Variants in SRBD1 observed in about 807,000 individuals in gnomAD.
SRBD1 encodes S1 RNA-binding domain-containing protein 1.
In SRBD1, 88 loss-of-function variants were observed where a neutral mutation model predicts 115.3. The observed-to-expected ratio is 0.76, with a 90% confidence interval of 0.64 to 0.91. The LOEUF is 0.91. Among genes scored for constraint, SRBD1 ranks in the 40% least tolerant of loss-of-function variants. The probability of loss-of-function intolerance (pLI) is 0.00; values close to 1 mark genes in which losing one functional copy is unlikely to be tolerated. For synonymous variants in SRBD1, 509 were observed against 407.7 expected (o/e 1.25, Z -2.99); for missense variants, 1,385 against 1,177.4 (o/e 1.18, Z -2.58).
rs1673009868 is a variant in SRBD1, at chr2:45,571,516, C to CCAAAAAAAAAAAAAAAAAA, written c.1305+1672_1305+1690dup. ...TAAAATACAACATATCCAGACTTTACCAAAAAAAAAAAAAAAAAAAAAAAA... is the reference window on the plus strand; with the variant it reads ...TAAAATACAACATATCCAGACTTTACCAAAAAAAAAAAAAAAAAACAAAAAAAAAAAAAAAAAAAAAAAA... On this transcript the variant is annotated intron_variant, in intron 9 of 20. Coordinates refer to ENST00000263736, the MANE Select transcript of SRBD1 (RefSeq NM_018079.5). 4.7e-5 allele frequency among the ~76,000 whole-genome samples: 2 copies of CCAAAAAAAAAAAAAAAAAA among 42,468 alleles called. 1 individual carries two copies. Among genetic ancestry groups the CCAAAAAAAAAAAAAAAAAA allele is most frequent in the Non-Finnish European group, 8.1e-5 (2 of 24,736 alleles). 27.9% of individuals were successfully genotyped at this position (42,468 alleles called of 152,430 possible).
intron 16 of SRBD1, among the ~76,000 whole-genome samples, chr2:45,451,305 T>C (rs566294721): frequency 1.3e-5 from 2 of 152,116 alleles, no homozygotes; most frequent in Admixed American, 6.6e-5. Flanking sequence ...TAGATGATGG[T>C]ATCCCCTAAC....
chr2:45,418,449 T>G lies in SRBD1; in HGVS notation c.2249A>C (p.Lys750Thr). 6.2e-7 allele frequency: 1 copy of G among 1,614,064 alleles called. No individual in the cohort carries two copies. The highest frequency in any genetic ancestry group is 8.5e-7 in the Non-Finnish European group (1 of 1,179,982). Residue 750 changes from lysine to threonine, a missense_variant, in exon 18 of 21, where the codon AAA becomes ACA. Transcript: ENST00000263736. ...GPFINREQLK[K>T]VKGLGPKSFQ... ...GGATTTTGGGCCCAGCCCTTTCACT[T>G]TCTTCAGCTGTTCTCGGTTGATAAA...
At chr2:45,545,479 CCA>C (rs1178286644) in intron 14 of SRBD1, among the ~76,000 whole-genome samples, 3 of 151,878 alleles carry the variant, frequency 2.0e-5, no homozygotes, top group African/African-American at 7.3e-5. Context: ...GTACTTATAA[CCA>C]CTACAAATGT....
At chr2:45,391,491 G>GC (rs1333308751) in intron 20 of SRBD1, among the ~76,000 whole-genome samples, 1 of 152,150 alleles carries the variant, frequency 6.6e-6, no homozygotes, top group Non-Finnish European at 1.5e-5. Context: ...AATACTATCT[G>GC]CCCCCTCGAA....
chr2:45,424,408 T>C (rs112539651), intron 16 of SRBD1, among the ~76,000 whole-genome samples: 117 of 152,304 alleles, frequency 7.7e-4, no homozygotes, highest in African/African-American at 2.5e-3. Flanking sequence ...ATTTTTAATC[T>C]TGACCCAAAA....
intron 4 of SRBD1, among the ~76,000 whole-genome samples, chr2:45,597,529 G>A (rs1673941152): frequency 1.3e-5 from 2 of 152,006 alleles, no homozygotes; most frequent in African/African-American, 4.8e-5. Context: ...TCTATCCTCT[G>A]TAAAGAAGCA....
chr2:45,541,336 G>A (rs1399471772), intron 14 of SRBD1, among the ~76,000 whole-genome samples: 1 of 152,216 alleles, frequency 6.6e-6, no homozygotes, highest in Non-Finnish European at 1.5e-5. Flanking sequence ...GAGCACCTAG[G>A]TCTGGGCTCC....
In SRBD1 at chr2:45,558,834, C is replaced by T. The variant is rs139564700; in HGVS notation, c.1409+3819G>A. ...AGCCTCCCAAGTAGCTGGGGTTACA[C>T]GCATGCACCACCATGCCTGGTTAAT... On this transcript the variant is annotated intron_variant, in intron 10 of 20. Transcript: ENST00000263736. Among the ~76,000 whole-genome samples, 517 of 151,856 alleles carry T rather than the reference C, an allele frequency of 3.4e-3. 2 individuals carry two copies. Among genetic ancestry groups the T allele is most frequent in the Admixed American group, 5.1e-3 (78 of 15,230 alleles).
intron 9 of SRBD1, 79 bp from the exon 10 acceptor site, chr2:45,562,835 A>T: frequency 1.2e-6 from 1 of 866,274 alleles, no homozygotes; most frequent in South Asian, 2.0e-5. Flanking sequence ...GCTGACAGCT[A>T]TATGAATTTT....
chr2:45,591,587 T>C (rs1460787884), intron 4 of SRBD1, among the ~76,000 whole-genome samples: 4 of 151,886 alleles, frequency 2.6e-5, no homozygotes, highest in Non-Finnish European at 1.5e-5. Flanking sequence ...AGGTGAGAAA[T>C]GGAAAGGTGG....
chr2:45,602,182 G>A (rs1674115577), intron 2 of SRBD1, 99 bp from the exon 3 acceptor site: 2 of 1,362,376 alleles, frequency 1.5e-6, no homozygotes, highest in Admixed American at 2.4e-5. Flanking sequence ...TAAAGTAGGA[G>A]GTGTTTAATA....
At chr2:45,488,879 G>C (rs988524823) in intron 14 of SRBD1, among the ~76,000 whole-genome samples, 2 of 151,812 alleles carry the variant, frequency 1.3e-5, no homozygotes, top group Non-Finnish European at 2.9e-5. Flanking sequence ...AAAGGGATCA[G>C]ACAGGATGTC....
chr2:45,450,816 C>A (rs1370853642), intron 16 of SRBD1, among the ~76,000 whole-genome samples: 4 of 152,084 alleles, frequency 2.6e-5, no homozygotes, highest in African/African-American at 7.2e-5. Context: ...AGCCACAGAA[C>A]AAAGTCAGTC....
intron 14 of SRBD1, among the ~76,000 whole-genome samples, chr2:45,495,811 C>T (rs189963032): frequency 3.3e-5 from 5 of 152,240 alleles, no homozygotes; most frequent in East Asian, 1.9e-4. Context: ...TAACAAGATA[C>T]AAAACCTAAG....
intron 18 of SRBD1, 44 bp from the exon 19 acceptor site, chr2:45,413,337 T>G (rs1016529987): frequency 6.3e-7 from 1 of 1,576,922 alleles, no homozygotes. Flanking sequence ...AAGGGGAAGG[T>G]TGGGCAGAAA....
At chr2:45,602,992 C>T (rs1015672635) in intron 2 of SRBD1, among the ~76,000 whole-genome samples, 1 of 151,976 alleles carries the variant, frequency 6.6e-6, no homozygotes, top group African/African-American at 2.4e-5. Flanking sequence ...AACAAACAAT[C>T]AAACAAAAAA....
chr2:45,424,231 G>C (rs1345505678), intron 16 of SRBD1, among the ~76,000 whole-genome samples: 1 of 151,936 alleles, frequency 6.6e-6, no homozygotes, highest in Non-Finnish European at 1.5e-5. Flanking sequence ...CTCATACTTT[G>C]TGCTAGGCAG....
chr2:45,553,200 C>T (rs143348116), intron 11 of SRBD1, among the ~76,000 whole-genome samples: 1 of 152,144 alleles, frequency 6.6e-6, no homozygotes, highest in Admixed American at 6.5e-5. Flanking sequence ...GTTCACATTG[C>T]CATTTTAATA....
At chr2:45,571,637 G>C (rs933317038) in intron 9 of SRBD1, among the ~76,000 whole-genome samples, 2 of 148,814 alleles carry the variant, frequency 1.3e-5, no homozygotes, top group East Asian at 4.0e-4. Flanking sequence ...CATGAACAGA[G>C]ACCTAAAGAA....
Sources: allele counts gnomAD v4.1 joint callset (sites outside exome capture counted in the v4.1 genomes callset), GRCh38; gene constraint gnomAD v4.1.1; transcripts MANE v1.5; gene names NCBI Gene and HGNC (gene_info 2026-07-23, HGNC 2026-07-21).